Variants in TMEM178A observed in about 807,000 individuals in gnomAD.
The protein encoded by TMEM178A is transmembrane protein 178A, also known as transmembrane protein 178.
In TMEM178A, 12 loss-of-function variants were observed where a neutral mutation model predicts 29.1. The observed-to-expected ratio is 0.41, with a 90% CI of 0.26 to 0.67. The LOEUF (loss-of-function observed/expected upper bound fraction) is 0.67. Ranked by LOEUF, TMEM178A falls within the 30% of genes least tolerant of loss-of-function variation. The probability of loss-of-function intolerance (pLI) is 0.29; values close to 1 mark genes in which losing one functional copy is unlikely to be tolerated. For synonymous variants in TMEM178A, 210 were observed against 187.2 expected, an observed-to-expected ratio of 1.12 and a Z score of -0.99; for missense variants, 366 against 419.1, an observed-to-expected ratio of 0.87 and a Z score of 1.11.
intron 3 of TMEM178A, among the ~76,000 whole-genome samples, chr2:39,708,843 G>A (rs72936018): frequency 0.022 from 3,385 of 152,188 alleles, 115 homozygotes; most frequent in African/African-American, 0.076. Context: ...AACACTGACC[G>A]AAGGTAGCTT....
At chr2:39,727,006 C>T in the TMEM178A span, among the ~76,000 whole-genome samples, 6 of 152,308 alleles carry the variant, frequency 3.9e-5, no homozygotes, top group South Asian at 2.1e-4. Flanking sequence ...TCTTCATGCA[C>T]GTTTTGAGTT....
intron 1 of TMEM178A, among the ~76,000 whole-genome samples, chr2:39,699,840 T>C (rs1671705028): frequency 6.6e-6 from 1 of 152,216 alleles, no homozygotes. Flanking sequence ...TTTTGGTATG[T>C]TGTAATTTTG....
At chr2:39,691,718 A>G (rs1213053510) in intron 1 of TMEM178A, among the ~76,000 whole-genome samples, 2 of 152,104 alleles carry the variant, frequency 1.3e-5, no homozygotes. Context: ...CACAGTAGCC[A>G]AATATTCACA....
the TMEM178A span, among the ~76,000 whole-genome samples, chr2:39,728,629 C>G: frequency 3.9e-5 from 6 of 152,032 alleles, no homozygotes; most frequent in South Asian, 4.2e-4. Context: ...AGACTAAAAT[C>G]ATGATTTAAT....
chr2:39,696,427 A>T (rs1337441679), intron 1 of TMEM178A, among the ~76,000 whole-genome samples: 1 of 152,194 alleles, frequency 6.6e-6, no homozygotes, highest in South Asian at 2.1e-4. Flanking sequence ...CGCTGACATT[A>T]TGGAGTACTT....
intron 1 of TMEM178A, among the ~76,000 whole-genome samples, chr2:39,676,058 A>T (rs541920226): frequency 6.6e-6 from 1 of 152,340 alleles, no homozygotes; most frequent in Non-Finnish European, 1.5e-5. Context: ...TGTTGGGATG[A>T]TAGTTATTTC....
At chr2:39,667,487 G>C (rs1670221165) in intron 1 of TMEM178A, among the ~76,000 whole-genome samples, 1 of 151,604 alleles carries the variant, frequency 6.6e-6, no homozygotes, top group African/African-American at 2.4e-5. Context: ...TTGGACTCAT[G>C]ATGCCAAAAA....
the TMEM178A span, among the ~76,000 whole-genome samples, chr2:39,732,747 C>T: frequency 6.6e-6 from 1 of 152,154 alleles, no homozygotes; most frequent in African/African-American, 2.4e-5. Context: ...ATCAGATCTC[C>T]TGGGTCTCTA....
At chr2:39,669,987 A>G (rs1185694683) in intron 1 of TMEM178A, among the ~76,000 whole-genome samples, 1 of 152,218 alleles carries the variant, frequency 6.6e-6, no homozygotes, top group Admixed American at 6.5e-5. Flanking sequence ...ACTCTAAATT[A>G]GTCTTCCTTA....
chr2:39,724,235 C>T, the TMEM178A span, among the ~76,000 whole-genome samples: 1 of 151,882 alleles, frequency 6.6e-6, no homozygotes, highest in African/African-American at 2.4e-5. Context: ...CCTGTGACAG[C>T]ATCCCTGACG....
In TMEM178A at chr2:39,717,119, C is replaced by T. The variant is rs1445969608; in HGVS notation, c.762C>T (p.Tyr254=). The T allele has an allele frequency of 1.9e-6, 3 of 1,612,752 alleles. No individual in the cohort carries two copies. In the South Asian group the frequency reaches 3.3e-5, roughly 18 times the overall value. The change falls in exon 4 of 4, where the codon TAC becomes TAT. Residue 254 remains tyrosine, a synonymous_variant. Transcript: ENST00000281961. ...TGCCTGCTGATGTGGAACATGGTTA[C>T]AGCTGGTCCATCTTTTGCGCCTGGT... The part of the protein sequence containing the change: ...YSLPADVEHG[Y]SWSIFCAWCS...
chr2:39,708,666 C>G (rs1424398310), intron 3 of TMEM178A, among the ~76,000 whole-genome samples: 2 of 151,934 alleles, frequency 1.3e-5, no homozygotes, highest in South Asian at 2.1e-4. Flanking sequence ...ATCCGCCCGC[C>G]TCGGCCTCCC....
At chr2:39,694,672 T>G (rs1671463214) in intron 1 of TMEM178A, among the ~76,000 whole-genome samples, 1 of 152,190 alleles carries the variant, frequency 6.6e-6, no homozygotes, top group African/African-American at 2.4e-5. Flanking sequence ...AGATATTAGA[T>G]TTAGATTTTG....
chr2:39,721,985 C>CAAA (rs57605942), downstream of TMEM178A, among the ~76,000 whole-genome samples: 12 of 40,088 alleles, frequency 3.0e-4, no homozygotes, highest in African/African-American at 4.9e-4. Context: ...AGACCAGTCT[C>CAAA]AAAAAAAAAA....
At chr2:39,711,421 G>T (rs796402410) in intron 3 of TMEM178A, among the ~76,000 whole-genome samples, 7 of 152,206 alleles carry the variant, frequency 4.6e-5, no homozygotes, top group African/African-American at 1.7e-4. Flanking sequence ...TTAAAAATTG[G>T]ATAAAGCTTG....
intron 1 of TMEM178A, among the ~76,000 whole-genome samples, chr2:39,681,901 G>C (rs1572657590): frequency 6.6e-6 from 1 of 152,328 alleles, no homozygotes; most frequent in Non-Finnish European, 1.5e-5. Context: ...CCTGTCTACA[G>C]TGGAGATGGT....
At chr2:39,674,615 G>A (rs987682027) in intron 1 of TMEM178A, among the ~76,000 whole-genome samples, 10 of 152,076 alleles carry the variant, frequency 6.6e-5, no homozygotes, top group Middle Eastern at 3.4e-3. Context: ...CACCACTAAA[G>A]GACTTACTCA....
At chr2:39,697,667 C>T (rs952667163) in intron 1 of TMEM178A, 2 of 152,320 alleles carry the variant, frequency 1.3e-5, no homozygotes, top group Non-Finnish European at 2.9e-5. Flanking sequence ...TAAATTTAGC[C>T]TGAGAGCCCC....
the TMEM178A span, among the ~76,000 whole-genome samples, chr2:39,727,346 AG>A: frequency 6.6e-6 from 1 of 152,226 alleles, no homozygotes; most frequent in Non-Finnish European, 1.5e-5. Flanking sequence ...ATAAATAACA[AG>A]ATTTGAAAAG....
Sources: gnomAD v4.1 joint callset for allele counts (sites outside exome capture counted in the v4.1 genomes callset) on GRCh38, gnomAD v4.1.1 for gene constraint, MANE v1.5 for transcripts, NCBI Gene and HGNC (gene_info 2026-07-23, HGNC 2026-07-21) for gene names.